CNTN5: variants seen among roughly 807,000 people sequenced by gnomAD.
CNTN5 encodes contactin 5, also known as contactin-5.
In CNTN5, 77 loss-of-function variants were observed where a neutral mutation model predicts 129.1. The observed-to-expected ratio is 0.60, with a 90% confidence interval of 0.50 to 0.72. CNTN5 has a LOEUF of 0.72. Among genes scored for constraint, CNTN5 ranks in the 30% least tolerant of loss-of-function variants. CNTN5 has a pLI of 0.00. For missense variants in CNTN5, 1,478 were observed against 1,328.8 expected (o/e 1.11, Z -1.75); for synonymous variants, 509 against 465.6 (o/e 1.09, Z -1.20).
At chr11:99,989,943 T>A (rs954594665) in intron 8 of CNTN5, among the ~76,000 whole-genome samples, 1 of 152,096 alleles carries the variant, frequency 6.6e-6, no homozygotes, top group Admixed American at 6.6e-5. Flanking sequence ...TTTTTTGTAT[T>A]TTTAGTAGAG....
intron 3 of CNTN5, among the ~76,000 whole-genome samples, chr11:99,723,496 A>G (rs113593179): frequency 0.028 from 4,236 of 152,270 alleles, 77 homozygotes; most frequent in African/African-American, 0.05. Context: ...CTGATAAAAT[A>G]GAAACCAACG....
intron 6 of CNTN5, among the ~76,000 whole-genome samples, chr11:99,882,894 A>G (rs1948808604): frequency 6.6e-6 from 1 of 151,964 alleles, no homozygotes; most frequent in Admixed American, 6.6e-5. Context: ...TCTGGTAACC[A>G]TCTTTGTACT....
At chr11:99,835,982 G>C (rs1002097854) in intron 4 of CNTN5, among the ~76,000 whole-genome samples, 1 of 152,120 alleles carries the variant, frequency 6.6e-6, no homozygotes, top group Non-Finnish European at 1.5e-5. Context: ...AGTCCGTAAA[G>C]TGAAAGCAAG....
Position 99,364,915 on chromosome 11 carries a change from G to A in CNTN5, c.-71+39431G>A, listed in dbSNP as rs113844454. On this transcript the variant is annotated intron_variant, in intron 2 of 24. Transcript: ENST00000524871. ...AGCAGTGGAATGTGGTCAGATTCAC[G>A]TCTTAAATAGATCACTCTGGTACCT... Among the ~76,000 whole-genome samples, 907 of 152,154 alleles carry A rather than the reference G, an allele frequency of 6.0e-3. 12 individuals carry two copies. The highest frequency in any genetic ancestry group is 0.02 in the African/African-American group (811 of 41,522).
chr11:100,214,755 C>T (rs1949105467), intron 15 of CNTN5, among the ~76,000 whole-genome samples: 1 of 152,188 alleles, frequency 6.6e-6, no homozygotes, highest in Admixed American at 6.5e-5. Context: ...CAGTACCCCA[C>T]TTGTAGGTAC....
chr11:99,820,359 T>C (rs1487980863), intron 4 of CNTN5, among the ~76,000 whole-genome samples: 1 of 152,302 alleles, frequency 6.6e-6, no homozygotes, highest in African/African-American at 2.4e-5. Context: ...GGAAGTGTAT[T>C]CTGTGTAAGA....
At chr11:99,455,094 A>G (rs1944448958) in intron 2 of CNTN5, among the ~76,000 whole-genome samples, 2 of 152,170 alleles carry the variant, frequency 1.3e-5, no homozygotes, top group Non-Finnish European at 1.5e-5. Flanking sequence ...TCAGATAGTC[A>G]CAGGTTAATA....
At chr11:99,356,722 A>G (rs1049506542) in intron 2 of CNTN5, among the ~76,000 whole-genome samples, 2 of 152,216 alleles carry the variant, frequency 1.3e-5, no homozygotes, top group African/African-American at 4.8e-5. Context: ...ATCACATTTG[A>G]TGAATGTTCC....
chr11:99,418,394 A>T (rs1942753113), intron 2 of CNTN5, among the ~76,000 whole-genome samples: 1 of 152,176 alleles, frequency 6.6e-6, no homozygotes, highest in African/African-American at 2.4e-5. Flanking sequence ...AAAAGACAGT[A>T]AAACTCAAGT....
chr11:99,047,799 C>G (rs1239683312), intron 1 of CNTN5, among the ~76,000 whole-genome samples: 2 of 151,978 alleles, frequency 1.3e-5, no homozygotes, highest in Admixed American at 6.6e-5. Flanking sequence ...TCCTGTGACT[C>G]CTGTGTCAAA....
At chr11:100,284,585 A>G (rs1439501170) in intron 18 of CNTN5, among the ~76,000 whole-genome samples, 1 of 152,218 alleles carries the variant, frequency 6.6e-6, no homozygotes, top group Non-Finnish European at 1.5e-5. Context: ...GGAAAAATAC[A>G]TAAAGTAAAT....
At chr11:99,429,615 T>A (rs1489620340) in intron 2 of CNTN5, among the ~76,000 whole-genome samples, 5 of 152,098 alleles carry the variant, frequency 3.3e-5, no homozygotes, top group Non-Finnish European at 7.4e-5. Flanking sequence ...ATAGGATTTT[T>A]TTTAAGGAGT....
intron 1 of CNTN5, among the ~76,000 whole-genome samples, chr11:99,259,824 A>G (rs1388108122): frequency 6.6e-6 from 1 of 151,880 alleles, no homozygotes; most frequent in Non-Finnish European, 1.5e-5. Flanking sequence ...TATTTCTTCC[A>G]GACTCATGTG....
chr11:99,881,259 A>G (rs1948764270), intron 6 of CNTN5, among the ~76,000 whole-genome samples: 1 of 152,222 alleles, frequency 6.6e-6, no homozygotes, highest in Non-Finnish European at 1.5e-5. Flanking sequence ...AAACCACAGT[A>G]CATGGTTTCA....
chr11:100,319,082 C>T (rs1951628405), intron 21 of CNTN5, among the ~76,000 whole-genome samples: 1 of 151,850 alleles, frequency 6.6e-6, no homozygotes, highest in Non-Finnish European at 1.5e-5. Context: ...CAGTTTGGGT[C>T]TCCTATAGTC....
At chr11:99,134,171 A>G (rs1274113222) in intron 1 of CNTN5, among the ~76,000 whole-genome samples, 2 of 152,140 alleles carry the variant, frequency 1.3e-5, no homozygotes, top group African/African-American at 4.8e-5. Flanking sequence ...CACACACCTC[A>G]TGTTCTCACT....
intron 3 of CNTN5, among the ~76,000 whole-genome samples, chr11:99,767,904 A>G (rs76286045): frequency 1.3e-5 from 2 of 152,234 alleles, no homozygotes; most frequent in East Asian, 3.9e-4. Context: ...AAAACAAAAA[A>G]GTAAAATGAA....
At chr11:100,229,584 A>G (rs1248938890) in intron 16 of CNTN5, among the ~76,000 whole-genome samples, 1 of 152,194 alleles carries the variant, frequency 6.6e-6, no homozygotes, top group Non-Finnish European at 1.5e-5. Context: ...CCCTTGGAAA[A>G]GATGCAAGTA....
chr11:99,238,751 C>T (rs1245782211), intron 1 of CNTN5, among the ~76,000 whole-genome samples: 2 of 152,078 alleles, frequency 1.3e-5, no homozygotes, highest in Non-Finnish European at 2.9e-5. Context: ...ATTCTATCTA[C>T]ATACAAGTGC....
Sources: allele counts gnomAD v4.1 joint callset (sites outside exome capture counted in the v4.1 genomes callset), GRCh38; gene constraint gnomAD v4.1.1; transcripts MANE v1.5; gene names NCBI Gene and HGNC (gene_info 2026-07-23, HGNC 2026-07-21).